The following KIF6 variants were observed in gnomAD, a reference collection of about 807,000 sequenced individuals.
KIF6 encodes kinesin-like protein KIF6.
KIF6 carries 106 observed loss-of-function variants against 112.7 expected under a neutral mutation model. The observed-to-expected ratio is 0.94, with a 90% CI of 0.80 to 1.11. The LOEUF (loss-of-function observed/expected upper bound fraction) is 1.11. Ranked by LOEUF, KIF6 falls within the 50% of genes least tolerant of loss-of-function variation. The pLI is 0.00. For synonymous variants in KIF6, 339 were observed against 339.9 expected, an observed-to-expected ratio of 1.00 and a Z score of 0.03; for missense variants, 929 against 964.0, an observed-to-expected ratio of 0.96 and a Z score of 0.48.
chr6:39,337,231 CTTTCTTTTTCTTTCTTT>C (rs1763071088), intron 22 of KIF6, among the ~76,000 whole-genome samples: 5 of 95,714 alleles, frequency 5.2e-5, no homozygotes, highest in African/African-American at 2.6e-4. Flanking sequence ...TTCTTTCTTT[CTTTCTTTTTCTTTCTTT>C]TCTTTCCCTC....
intron 13 of KIF6, among the ~76,000 whole-genome samples, chr6:39,525,081 T>C (rs1777633464): frequency 6.6e-6 from 1 of 152,146 alleles, no homozygotes; most frequent in Non-Finnish European, 1.5e-5. Flanking sequence ...TCTGGGCAAT[T>C]TGTCTTCTAT....
At chr6:39,584,166 A>G (rs1781466473) in intron 9 of KIF6, among the ~76,000 whole-genome samples, 1 of 151,922 alleles carries the variant, frequency 6.6e-6, no homozygotes. Context: ...TCACACCTAT[A>G]ATCCTAGCAC....
At chr6:39,515,008 T>C (rs1406155965) in intron 13 of KIF6, among the ~76,000 whole-genome samples, 5 of 152,218 alleles carry the variant, frequency 3.3e-5, no homozygotes, top group Admixed American at 6.5e-5. Flanking sequence ...ATTAATGCTC[T>C]GAAACCTCAA....
intron 3 of KIF6, among the ~76,000 whole-genome samples, chr6:39,681,962 A>G (rs1040932083): frequency 2.9e-5 from 2 of 68,182 alleles, no homozygotes; most frequent in African/African-American, 4.3e-5. Context: ...TCTTTCAGAG[A>G]AAAAAAATGC....
chr6:39,392,220 A>G (rs1767953159), intron 15 of KIF6, among the ~76,000 whole-genome samples: 1 of 152,152 alleles, frequency 6.6e-6, no homozygotes, highest in African/African-American at 2.4e-5. Context: ...ATATGCATCT[A>G]ATTCTCAGTT....
chr6:39,483,551 T>C, intron 13 of KIF6, among the ~76,000 whole-genome samples: 1 of 152,242 alleles, frequency 6.6e-6, no homozygotes, highest in East Asian at 1.9e-4. Context: ...TAAAAGGCTG[T>C]CCCTCGCTCA....
chr6:39,722,153 A>T (rs1300643653), intron 1 of KIF6, among the ~76,000 whole-genome samples: 1 of 152,190 alleles, frequency 6.6e-6, no homozygotes, highest in African/African-American at 2.4e-5. Flanking sequence ...ACATTAAAAA[A>T]AAAAGTTTTA....
At chr6:39,500,480 A>G (rs1385911489) in intron 13 of KIF6, among the ~76,000 whole-genome samples, 1 of 152,206 alleles carries the variant, frequency 6.6e-6, no homozygotes, top group East Asian at 1.9e-4. Context: ...AGGAAGAGCT[A>G]GGGAAATATA....
At chr6:39,375,861 C>T (rs1048117026) in intron 16 of KIF6, among the ~76,000 whole-genome samples, 3 of 152,206 alleles carry the variant, frequency 2.0e-5, no homozygotes, top group African/African-American at 7.2e-5. Context: ...GCTCTTTTTG[C>T]TAAACCACAG....
Position 39,720,798 on chromosome 6 carries a change from T to A in KIF6, c.80A>T (p.Asp27Val). Residue 27 changes from aspartate to valine, a missense_variant, in exon 2 of 23, where the codon GAT (aspartate) becomes GTT (valine). This residue lies in a region of KIF6 where 688 missense variants were observed against 662.7 expected (regional missense o/e 1.04). Coordinates refer to ENST00000287152, the MANE Select transcript of KIF6 (RefSeq NM_145027.6). ...RKHQQGIYSIDEDEKLIPSLE... is the reference protein window; with the variant it reads ...RKHQQGIYSIVEDEKLIPSLE... ...GCTAGGTATTAATTTTTCATCTTCATCTATGGAATAAATCTGCAAATGTGA... is the reference window on the plus strand; with the variant it reads ...GCTAGGTATTAATTTTTCATCTTCAACTATGGAATAAATCTGCAAATGTGA... The A allele has an allele frequency of 6.5e-7, 1 of 1,548,274 alleles. No individual in the cohort carries two copies. The highest frequency in any genetic ancestry group is 8.9e-7 in the Non-Finnish European group (1 of 1,120,226).
chr6:39,631,126 G>C (rs1784333206), intron 5 of KIF6, among the ~76,000 whole-genome samples: 1 of 151,446 alleles, frequency 6.6e-6, no homozygotes, highest in Admixed American at 6.6e-5. Context: ...TTAGTCCGTA[G>C]TTTTCCTTTC....
At chr6:39,610,905 A>G (rs1187332731) in intron 6 of KIF6, among the ~76,000 whole-genome samples, 1 of 152,208 alleles carries the variant, frequency 6.6e-6, no homozygotes, top group African/African-American at 2.4e-5. Context: ...TAGGAAAAAT[A>G]AACAAATTAA....
chr6:39,719,117 G>C (rs531346132), intron 2 of KIF6, among the ~76,000 whole-genome samples: 1 of 152,112 alleles, frequency 6.6e-6, no homozygotes, highest in Non-Finnish European at 1.5e-5. Flanking sequence ...TCAGAAGTTC[G>C]AGACCAGCCT....
chr6:39,544,813 A>G, intron 11 of KIF6, 120 bp from the exon 12 acceptor site: 1 of 514,150 alleles, frequency 1.9e-6, no homozygotes, highest in Admixed American at 3.6e-5. Context: ...TGTCTGATGC[A>G]GGTGCGATGT....
chr6:39,454,533 A>C (rs1240648205), intron 13 of KIF6, among the ~76,000 whole-genome samples: 1 of 127,694 alleles, frequency 7.8e-6, no homozygotes, highest in Non-Finnish European at 1.6e-5. Context: ...GAGAGCATCA[A>C]AAAAAAAAAA....
At chr6:39,713,168 C>G (rs302584) in intron 3 of KIF6, among the ~76,000 whole-genome samples, 2 of 151,940 alleles carry the variant, frequency 1.3e-5, no homozygotes, top group African/African-American at 2.4e-5. Flanking sequence ...AAATGGTCAC[C>G]GCACACAATT....
Position 39,343,276 on chromosome 6 carries a change from C to T in KIF6, c.2428+433G>A, listed in dbSNP as rs116150706. 0.014 allele frequency: 17,467 copies of T among 1,289,156 alleles called. 137 individuals carry two copies. The highest frequency in any genetic ancestry group is 0.015 in the Admixed American group (660 of 43,446). The allele number at this position is 1,289,156 out of a possible 1,614,324, so 79.9% of individuals were successfully genotyped here. ...CCTGGGCCTTCAAGCAGTGTTTACA[C>T]TCACAGCTCTTTGGCAAGAACCACA... On this transcript the variant is annotated intron_variant, in intron 22 of 22. Coordinates refer to ENST00000287152, the MANE Select transcript of KIF6 (RefSeq NM_145027.6). The surrounding 1 kb of genome is among the most constrained non-coding windows in gnomAD (Gnocchi z 4.1).
At chr6:39,423,976 G>A (rs937667991) in intron 14 of KIF6, among the ~76,000 whole-genome samples, 4 of 152,138 alleles carry the variant, frequency 2.6e-5, no homozygotes, top group African/African-American at 9.7e-5. Context: ...ACCTGGTCCT[G>A]TTACTCCCCT....
intron 2 of KIF6, among the ~76,000 whole-genome samples, chr6:39,717,828 T>A (rs901887816): frequency 6.6e-6 from 1 of 152,226 alleles, no homozygotes; most frequent in Non-Finnish European, 1.5e-5. Flanking sequence ...GAATATTTTA[T>A]TAATTTTTAA....
Sources: allele counts gnomAD v4.1 joint callset (sites outside exome capture counted in the v4.1 genomes callset), GRCh38; gene constraint gnomAD v4.1.1; regional missense constraint gnomAD v4.1.1; non-coding constraint Gnocchi (gnomAD v3.1); transcripts MANE v1.5; gene names NCBI Gene and HGNC (gene_info 2026-07-23, HGNC 2026-07-21).